RORA: variants seen among roughly 807,000 people sequenced by gnomAD.
The protein encoded by RORA is RAR related orphan receptor A.
RORA carries 7 observed loss-of-function variants against 69.5 expected under a neutral mutation model. The observed-to-expected ratio is 0.10, with a 90% CI of 0.06 to 0.19. The LOEUF (loss-of-function observed/expected upper bound fraction) is 0.19. RORA is among the 10% of genes least tolerant of loss of function. RORA has a pLI of 1.00. For synonymous variants in RORA, 261 were observed against 240.8 expected (o/e 1.08, Z -0.78); for missense variants, 457 against 663.0 (o/e 0.69, Z 3.41).
intron 1 of RORA, among the ~76,000 whole-genome samples, chr15:60,709,945 T>C (rs2071120849): frequency 6.6e-6 from 1 of 152,124 alleles, no homozygotes; most frequent in African/African-American, 2.4e-5. Flanking sequence ...TGCCTCTGTA[T>C]GCCACATGTG....
chr15:60,781,695 T>G (rs1595710628), intron 1 of RORA, among the ~76,000 whole-genome samples: 3 of 142,424 alleles, frequency 2.1e-5, no homozygotes, highest in Non-Finnish European at 3.1e-5. Flanking sequence ...GGGTGGGGGG[T>G]AGGGGGCGGG....
At chr15:60,587,414 A>C (rs946453318) in intron 2 of RORA, among the ~76,000 whole-genome samples, 1 of 152,192 alleles carries the variant, frequency 6.6e-6, no homozygotes, top group Non-Finnish European at 1.5e-5. Flanking sequence ...ACAAAGTTAT[A>C]TCCAGGACGT....
At chr15:60,819,746 G>GACACGCACACACACACACACACAC (rs2072863483) in intron 1 of RORA, among the ~76,000 whole-genome samples, 2 of 119,292 alleles carry the variant, frequency 1.7e-5, no homozygotes, top group Admixed American at 8.6e-5. Context: ...GTCAAACCCA[G>GACACGCACACACACACACACACAC]ACACACACAC....
At chr15:60,958,731 G>A (rs1016978390) in intron 1 of RORA, among the ~76,000 whole-genome samples, 2 of 152,144 alleles carry the variant, frequency 1.3e-5, no homozygotes, top group African/African-American at 4.8e-5. Flanking sequence ...TGGCAGCCGT[G>A]GCTGTCATTA....
intron 1 of RORA, among the ~76,000 whole-genome samples, chr15:60,892,849 G>A (rs1310676690): frequency 6.6e-6 from 1 of 152,208 alleles, no homozygotes; most frequent in Non-Finnish European, 1.5e-5. Context: ...CTCCCAGCCT[G>A]ACAAGAAGTT....
chr15:61,151,054 T>C (rs186510297), intron 1 of RORA, among the ~76,000 whole-genome samples: 65 of 152,342 alleles, frequency 4.3e-4, no homozygotes, highest in African/African-American at 1.3e-3. Flanking sequence ...CATGCTGTAA[T>C]TCCTACCCAT....
rs2066608845 is a variant in RORA at position 60,534,113 on chromosome 15, G to A, written c.197-2262C>T. ...TGATATGCAGTATTCCTGTACAGTC[G>A]GCCTGGACTCACAGTGGATTACTAA... On this transcript the variant is annotated intron_variant, in intron 2 of 10. Transcript: ENST00000335670. This position sits in a 1 kb window ranked among gnomAD's most constrained non-coding sequence, Gnocchi z 5.0. Among the ~76,000 whole-genome samples, 1 of 152,146 alleles carries A rather than the reference G, an allele frequency of 6.6e-6. No individual in the cohort carries two copies. The highest frequency in any genetic ancestry group is 1.9e-4 in the East Asian group (1 of 5,190).
intron 1 of RORA, among the ~76,000 whole-genome samples, chr15:60,751,239 T>C (rs913167689): frequency 6.6e-6 from 1 of 152,214 alleles, no homozygotes; most frequent in African/African-American, 2.4e-5. Flanking sequence ...TCAACAGTGA[T>C]TCTAACCCTG....
intron 2 of RORA, among the ~76,000 whole-genome samples, chr15:60,617,161 G>A (rs968611776): frequency 1.3e-5 from 2 of 152,148 alleles, no homozygotes; most frequent in African/African-American, 4.8e-5. Context: ...AGTAGGACAG[G>A]GAGTGTATCT....
At chr15:60,579,463 TA>T (rs10715464) in intron 2 of RORA, among the ~76,000 whole-genome samples, 102,841 of 151,240 alleles carry the variant, frequency 0.68, 34,967 homozygotes, top group Non-Finnish European at 0.68. Flanking sequence ...CCTTCCTGCT[TA>T]AAAAAAAAAA....
chr15:60,799,757 T>C (rs779767287), intron 1 of RORA, among the ~76,000 whole-genome samples: 20 of 152,222 alleles, frequency 1.3e-4, no homozygotes, highest in Non-Finnish European at 2.9e-4. Flanking sequence ...TAAACACCCA[T>C]GTCCCAGAGA....
chr15:60,739,975 G>T (rs1376821714), intron 1 of RORA, among the ~76,000 whole-genome samples: 7 of 152,198 alleles, frequency 4.6e-5, no homozygotes, highest in South Asian at 2.1e-4. Flanking sequence ...AGAAAGAGAG[G>T]TTCCATCCAA....
intron 1 of RORA, among the ~76,000 whole-genome samples, chr15:60,978,959 C>CCCTTTTTTTTTTTTT (rs1423510527): frequency 1.6e-4 from 8 of 48,974 alleles, no homozygotes; most frequent in African/African-American, 5.8e-4. Context: ...TCCAACTTTG[C>CCCTTTTTTTTTTTTT]TCTTTTTTTT....
intron 1 of RORA, among the ~76,000 whole-genome samples, chr15:61,107,897 A>G (rs1415514630): frequency 6.6e-6 from 1 of 152,142 alleles, no homozygotes; most frequent in Non-Finnish European, 1.5e-5. Context: ...CAGATCAAAA[A>G]CAAGCCATAT....
At chr15:60,694,052 C>T (rs1050774632) in intron 1 of RORA, among the ~76,000 whole-genome samples, 1 of 152,164 alleles carries the variant, frequency 6.6e-6, no homozygotes, top group Admixed American at 6.5e-5. Context: ...AATTATACTA[C>T]AAGGCTACAG....
chr15:60,556,901 G>T, intron 2 of RORA: 1 of 1,613,620 alleles, frequency 6.2e-7, no homozygotes, highest in Non-Finnish European at 8.5e-7. Flanking sequence ...TGTGAATATG[G>T]TGGCTTGCCA....
chr15:60,661,724 G>T (rs1250024854), intron 2 of RORA, among the ~76,000 whole-genome samples: 1 of 152,182 alleles, frequency 6.6e-6, no homozygotes, highest in Non-Finnish European at 1.5e-5. Flanking sequence ...ATTCCATTTA[G>T]ATAAACCCTG....
intron 1 of RORA, among the ~76,000 whole-genome samples, chr15:60,910,015 A>G (rs921105588): frequency 1.3e-5 from 2 of 152,242 alleles, no homozygotes; most frequent in African/African-American, 2.4e-5. Flanking sequence ...CTTCAGCCTC[A>G]TAATTGAGTT....
At chr15:61,037,272 A>G (rs1896503519) in intron 1 of RORA, among the ~76,000 whole-genome samples, 1 of 152,214 alleles carries the variant, frequency 6.6e-6, no homozygotes, top group Non-Finnish European at 1.5e-5. Context: ...GATTCATCCC[A>G]AAGTGATTTC....
Sources: gnomAD v4.1 joint callset for allele counts (sites outside exome capture counted in the v4.1 genomes callset) on GRCh38, gnomAD v4.1.1 for gene constraint, Gnocchi (gnomAD v3.1) non-coding constraint, MANE v1.5 for transcripts, NCBI Gene and HGNC (gene_info 2026-07-23, HGNC 2026-07-21) for gene names.